The following NRG1 variants were observed in gnomAD, a reference collection of about 807,000 sequenced individuals.
NRG1 encodes neuregulin 1.
A neutral mutation model predicts 63.8 loss-of-function variants in NRG1; 18 were observed. The observed-to-expected ratio is 0.28, with a 90% CI of 0.19 to 0.42. NRG1 has a LOEUF of 0.42. Ranked by LOEUF, NRG1 falls within the 10% of genes least tolerant of loss-of-function variation. The probability of loss-of-function intolerance (pLI) is 1.00; values close to 1 mark genes in which losing one functional copy is unlikely to be tolerated. For missense variants in NRG1, 762 were observed against 814.7 expected, an observed-to-expected ratio of 0.94 and a Z score of 0.79; for synonymous variants, 302 against 301.3, an observed-to-expected ratio of 1.00 and a Z score of -0.02.
chr8:32,321,916 A>G (rs1486734589), intron 1 of NRG1, among the ~76,000 whole-genome samples: 5 of 152,102 alleles, frequency 3.3e-5, no homozygotes, highest in African/African-American at 1.2e-4. Context: ...ATGTAGAGAC[A>G]AGATGCTGCC....
intron 1 of NRG1, among the ~76,000 whole-genome samples, chr8:32,028,486 C>T (rs1017535420): frequency 1.3e-5 from 2 of 152,180 alleles, no homozygotes; most frequent in Admixed American, 1.3e-4. Context: ...TTAGTTTCCT[C>T]ATCTGTATAA....
intron 1 of NRG1, among the ~76,000 whole-genome samples, chr8:32,453,291 A>G (rs1375750545): frequency 6.6e-6 from 1 of 152,236 alleles, no homozygotes; most frequent in Non-Finnish European, 1.5e-5. Context: ...CATATTCTGT[A>G]TGAAATTAAG....
intron 1 of NRG1, among the ~76,000 whole-genome samples, chr8:31,938,405 C>A (rs1408165679): frequency 6.6e-6 from 1 of 152,120 alleles, no homozygotes; most frequent in Non-Finnish European, 1.5e-5. Flanking sequence ...AGAATCTGAA[C>A]AGCAGTTCTT....
chr8:31,946,532 T>C (rs1471832108), intron 1 of NRG1, among the ~76,000 whole-genome samples: 1 of 152,222 alleles, frequency 6.6e-6, no homozygotes, highest in South Asian at 2.1e-4. Context: ...TTAGATTTTT[T>C]AAACTGAATA....
chr8:32,647,035 C>CG (rs1853706638), intron 5 of NRG1: 1 of 743,036 alleles, frequency 1.3e-6, no homozygotes, highest in Non-Finnish European at 1.6e-6. Context: ...GAGGAGTAGT[C>CG]GGGGGTGGGG....
At chr8:32,388,668 G>A (rs778610322) in intron 1 of NRG1, among the ~76,000 whole-genome samples, 10 of 132,432 alleles carry the variant, frequency 7.6e-5, no homozygotes, top group Non-Finnish European at 1.1e-4. Flanking sequence ...TTTTTTTTTC[G>A]TCTCAAAAAA....
rs116471053 is a variant in NRG1, at chr8:32,618,823, C to A, written c.502+1938C>A. ...GGGGAGGGGATAAGGAGAGTTGAAA[C>A]TTGTGATTTTTATTAGGTTGATCAA... On this transcript the variant is annotated intron_variant, in intron 5 of 11. Coordinates refer to ENST00000356819, the Ensembl canonical transcript of NRG1. Among the ~76,000 whole-genome samples the A allele has an allele frequency of 6.1e-3, 932 of 152,112 alleles. 8 individuals are homozygous for A. Among genetic ancestry groups the A allele is most frequent in the African/African-American group, 0.022 (900 of 41,478 alleles).
chr8:32,243,097 T>A (rs1848271386), intron 1 of NRG1, among the ~76,000 whole-genome samples: 1 of 152,118 alleles, frequency 6.6e-6, no homozygotes, highest in South Asian at 2.1e-4. Context: ...TATGCATGTC[T>A]GTCTCTGTGT....
rs956945160 is a variant in NRG1, at chr8:32,607,046, C to T, written c.400+1363C>T. Among the ~76,000 whole-genome samples, 12 of 152,066 alleles carry T rather than the reference C, an allele frequency of 7.9e-5. 1 individual carries two copies. The highest frequency in any genetic ancestry group is 1.5e-4 in the Non-Finnish European group (10 of 68,016). ...TTATCACTTTCATTTTAAATGTCTC[C>T]CTCCATAGAGAGTAAAGGAGAGCAG... On this transcript the variant is annotated intron_variant, in intron 3 of 11. Coordinates refer to ENST00000356819, the Ensembl canonical transcript of NRG1.
intron 1 of NRG1, among the ~76,000 whole-genome samples, chr8:32,219,516 A>C (rs1845593409): frequency 2.0e-5 from 3 of 152,174 alleles, no homozygotes. Context: ...AGTTCCTATA[A>C]TTGCCAAAAG....
intron 1 of NRG1, among the ~76,000 whole-genome samples, chr8:32,059,197 G>A (rs1441100076): frequency 6.6e-6 from 1 of 151,774 alleles, no homozygotes; most frequent in African/African-American, 2.4e-5. Flanking sequence ...TTTCTTTTAT[G>A]TATTCTATTT....
chr8:32,093,011 T>C (rs1418122351), intron 1 of NRG1, among the ~76,000 whole-genome samples: 1 of 152,164 alleles, frequency 6.6e-6, no homozygotes, highest in Admixed American at 6.5e-5. Context: ...CAGGAATCTG[T>C]TTAACAAAAG....
chr8:32,475,084 A>G (rs1824337115), intron 1 of NRG1, among the ~76,000 whole-genome samples: 2 of 152,118 alleles, frequency 1.3e-5, no homozygotes, highest in Non-Finnish European at 2.9e-5. Context: ...TACCTTGTGA[A>G]AAAGCCCCAA....
rs867204292 is a variant in NRG1, at chr8:31,928,355, A to T, written c.37+288924A>T. ...ATAGATTTTGGCATGGATGTGGTAA[A>T]AAAAAAAAAAAAAAAAAAAAAAGAT... On this transcript the variant is annotated intron_variant, in intron 1 of 10. Coordinates refer to the NRG1 transcript ENST00000519301. Among the ~76,000 whole-genome samples the T allele has an allele frequency of 3.4e-3, 278 of 82,900 alleles. 1 individual carries two copies. Among genetic ancestry groups the T allele is most frequent in the African/African-American group, 0.011 (259 of 23,020 alleles). The allele number at this position is 82,900 out of a possible 152,430, so 54.4% of individuals were successfully genotyped here.
At chr8:31,713,069 G>A (rs1242909710) in intron 1 of NRG1, among the ~76,000 whole-genome samples, 1 of 150,528 alleles carries the variant, frequency 6.6e-6, no homozygotes, top group African/African-American at 2.4e-5. Context: ...TATTTAGGAG[G>A]CTTCAGCAGC....
chr8:32,281,251 C>T (rs972068943), intron 1 of NRG1, among the ~76,000 whole-genome samples: 2 of 136,956 alleles, frequency 1.5e-5, no homozygotes, highest in Non-Finnish European at 3.0e-5. Flanking sequence ...GATCTCAGCT[C>T]ACTGCAACCT....
chr8:31,826,966 C>G (rs1353869306), intron 1 of NRG1, among the ~76,000 whole-genome samples: 1 of 151,986 alleles, frequency 6.6e-6, no homozygotes, highest in Non-Finnish European at 1.5e-5. Context: ...TTTATAAACC[C>G]CTGGAAGGAA....
chr8:32,460,401 C>G, intron 1 of NRG1, among the ~76,000 whole-genome samples: 1 of 152,152 alleles, frequency 6.6e-6, no homozygotes, highest in Middle Eastern at 3.4e-3. Flanking sequence ...CTGTACACGA[C>G]CTGTTAAAAC....
chr8:31,852,068 T>C (rs1294871595), intron 1 of NRG1, among the ~76,000 whole-genome samples: 14 of 151,206 alleles, frequency 9.3e-5, no homozygotes, highest in South Asian at 2.1e-4. Context: ...GCAATAAACA[T>C]ACGTGTGCAT....
Sources: allele counts gnomAD v4.1 joint callset (sites outside exome capture counted in the v4.1 genomes callset), GRCh38; gene constraint gnomAD v4.1.1; transcripts MANE v1.5; gene names NCBI Gene and HGNC (gene_info 2026-07-23, HGNC 2026-07-21).